CHD8: variants seen among roughly 807,000 people sequenced by gnomAD.
CHD8 encodes the protein ATP-dependent chromatin remodeler CHD8.
Under a neutral mutation model 279.2 loss-of-function variants are expected in CHD8, and 31 were observed. That is an observed-to-expected ratio of 0.11 (90% CI 0.08 to 0.15). The LOEUF is 0.15. Among genes scored for constraint, CHD8 ranks in the 10% least tolerant of loss-of-function variants. The pLI is 1.00. For missense variants in CHD8, 2,146 were observed against 3,230.5 expected, an observed-to-expected ratio of 0.66 and a Z score of 8.14; for synonymous variants, 1,081 against 1,139.6, an observed-to-expected ratio of 0.95 and a Z score of 1.04.
intron 5 of CHD8, among the ~76,000 whole-genome samples, chr14:21,418,633 G>A (rs1371700805): frequency 6.6e-6 from 1 of 152,170 alleles, no homozygotes; most frequent in African/African-American, 2.4e-5. Flanking sequence ...GGCTAACACG[G>A]TGAAACCCCG....
Position 21,393,497 on chromosome 14 carries a change from C to A in CHD8, c.6298G>T (p.Asp2100Tyr). The A allele has an allele frequency of 6.3e-7, 1 of 1,578,892 alleles. No individual in the cohort carries two copies. Among genetic ancestry groups the A allele is most frequent in the Non-Finnish European group, 8.6e-7 (1 of 1,161,650 alleles). ...SSSSSTDESE[D>Y]EKEEKLTDQS... ...TCACTTAGCTTCTCTTCCTTCTCAT[C>A]CTCACTCTCATCAGTGCTGGAGCTG... Residue 2100 changes from aspartate to tyrosine, a missense_variant, in exon 32 of 38, where the codon GAT (aspartate) becomes TAT (tyrosine). Physicochemically the swap from Asp to Tyr is radical, Grantham distance 160. Around this residue, in one of 26 missense-constraint regions of CHD8, gnomAD observed 513 missense variants for 637.6 expected, o/e 0.80. Coordinates refer to ENST00000646647, the MANE Select transcript of CHD8 (RefSeq NM_001170629.2).
At chr14:21,387,560 G>A (rs1447851429) in intron 37 of CHD8, among the ~76,000 whole-genome samples, 1 of 151,888 alleles carries the variant, frequency 6.6e-6, no homozygotes, top group East Asian at 1.9e-4. Flanking sequence ...CTTGAACCCA[G>A]GAGGCGGAGA....
At chr14:21,401,686 G>C in intron 20 of CHD8, 173 bp from the exon 21 acceptor site, 1 of 584,472 alleles carries the variant, frequency 1.7e-6, no homozygotes, top group South Asian at 2.3e-5. Flanking sequence ...CTGGGTTCAA[G>C]TGATTCTCCT....
intron 1 of CHD8, among the ~76,000 whole-genome samples, chr14:21,450,672 A>G (rs1428091055): frequency 6.6e-6 from 1 of 151,918 alleles, no homozygotes; most frequent in Non-Finnish European, 1.5e-5. Flanking sequence ...AAAAAAACAA[A>G]AACAGAAAAA....
At chr14:21,433,691 T>C (rs1167465191) in intron 1 of CHD8, among the ~76,000 whole-genome samples, 1 of 152,296 alleles carries the variant, frequency 6.6e-6, no homozygotes, top group East Asian at 1.9e-4. Context: ...TCTCCAACAA[T>C]GTTAAACAAG....
intron 1 of CHD8, among the ~76,000 whole-genome samples, chr14:21,452,459 C>T (rs1890279897): frequency 1.3e-5 from 2 of 151,668 alleles, no homozygotes; most frequent in South Asian, 2.1e-4. Flanking sequence ...GCCTGGCCAA[C>T]ATGGTGAAAC....
At chr14:21,410,826 G>A (rs1888458824) in intron 10 of CHD8, among the ~76,000 whole-genome samples, 1 of 152,124 alleles carries the variant, frequency 6.6e-6, no homozygotes, top group Non-Finnish European at 1.5e-5. Context: ...CACAGATCTC[G>A]AATCTCTGGA....
intron 1 of CHD8, among the ~76,000 whole-genome samples, chr14:21,441,741 T>A (rs1889974755): frequency 2.0e-5 from 3 of 151,646 alleles, no homozygotes; most frequent in Admixed American, 2.0e-4. Flanking sequence ...ACAAAAAAAT[T>A]AGCTGGGCGT....
At chr14:21,417,638 A>G (rs11625412) in intron 5 of CHD8, among the ~76,000 whole-genome samples, 23,255 of 151,664 alleles carry the variant, frequency 0.15, 2,292 homozygotes, top group South Asian at 0.23. Flanking sequence ...GCGCATCATG[A>G]GGTCAGGAGA....
At chr14:21,420,716 T>C (rs1395396419) in intron 5 of CHD8, among the ~76,000 whole-genome samples, 1 of 152,024 alleles carries the variant, frequency 6.6e-6, no homozygotes, top group Non-Finnish European at 1.5e-5. Flanking sequence ...TAGAAGGGTA[T>C]ACAAGAAATT....
At chr14:21,410,049 G>A (rs1888420574) in intron 10 of CHD8, 61 bp from the exon 11 acceptor site, 1 of 1,476,190 alleles carries the variant, frequency 6.8e-7, no homozygotes, top group Non-Finnish European at 9.1e-7. Context: ...TCCAGTTAAA[G>A]AATAAAAATT....
rs946344293 is a variant in CHD8 at position 21,406,754 on chromosome 14, G to A, written c.2907+102C>T. 33 of 1,053,430 alleles carry A rather than the reference G, an allele frequency of 3.1e-5. No homozygotes were observed. In the African/African-American group the frequency reaches 4.6e-4, roughly 15 times the overall value. 65.3% of individuals were successfully genotyped at this position (1,053,430 alleles called of 1,614,324 possible). On this transcript the variant is annotated intron_variant, in intron 14 of 37. Transcript: ENST00000646647. The stretch of plus-strand genomic sequence containing the variant: ...GGTCATCCCCACTGTTCAATACCAC[G>A]ATTCAGACTTTTCTTCTCTGCTAAA...
intron 1 of CHD8, among the ~76,000 whole-genome samples, chr14:21,449,908 G>C (rs991626046): frequency 1.3e-5 from 2 of 152,178 alleles, no homozygotes; most frequent in Non-Finnish European, 2.9e-5. Flanking sequence ...ATTTAAAAAA[G>C]CAGTCATATT....
intron 1 of CHD8, among the ~76,000 whole-genome samples, 182 bp from the exon 2 acceptor site, chr14:21,432,040 TAA>T (rs1889586884): frequency 6.6e-6 from 1 of 152,120 alleles, no homozygotes; most frequent in South Asian, 2.1e-4. Context: ...AAACTAAAAC[TAA>T]AAGAGAAAAA....
At chr14:21,437,353 G>T (rs563194284) in intron 1 of CHD8, 2 of 864,648 alleles carry the variant, frequency 2.3e-6, no homozygotes, top group South Asian at 2.3e-5. Flanking sequence ...GCAAAACAGC[G>T]CAAAGGGTGG....
Position 21,392,787 on chromosome 14 carries a change from A to G in CHD8, c.6491T>C (p.Ile2164Thr). 3 of 1,613,958 alleles carry G rather than the reference A, an allele frequency of 1.9e-6. No individual in the cohort carries two copies. Among genetic ancestry groups the G allele is most frequent in the African/African-American group, 1.3e-5 (1 of 75,042 alleles). Residue 2164 changes from isoleucine to threonine, a missense_variant, in exon 34 of 38, where the codon ATT becomes ACT. Around this residue, in one of 26 missense-constraint regions of CHD8, gnomAD observed 513 missense variants for 637.6 expected, o/e 0.80. Transcript: ENST00000646647. ...GAGTACAGCCTGGCAGACGAGGTCA[A>G]TACGGTTTATCAGGACACGATCCTG... ...WPKDRVLINR[I>T]DLVCQAVLSG...
At chr14:21,454,258 C>T (rs934127156) in intron 1 of CHD8, among the ~76,000 whole-genome samples, 1 of 151,800 alleles carries the variant, frequency 6.6e-6, no homozygotes, top group Non-Finnish European at 1.5e-5. Flanking sequence ...CAGGACAGAT[C>T]AAACATGGAG....
Position 21,405,470 on chromosome 14 carries a change from G to A in CHD8, c.3052-6C>T. On this transcript the variant is annotated splice_region_variant and splice_polypyrimidine_tract_variant and intron_variant, in intron 15 of 37. Coordinates refer to ENST00000646647, the MANE Select transcript of CHD8 (RefSeq NM_001170629.2). This position sits in a 1 kb window ranked among gnomAD's most constrained non-coding sequence, Gnocchi z 4.2. ...ATGGCCTGTAGCTTTTGAACCTGTG[G>A]TCCATTACAGAGAGAAAAATAAATC... is the stretch of plus-strand genomic sequence containing the variant. 6.3e-7 allele frequency: 1 copy of A among 1,599,916 alleles called. No individual in the cohort carries two copies. Among genetic ancestry groups the A allele is most frequent in the Non-Finnish European group, 8.5e-7 (1 of 1,172,682 alleles).
At chr14:21,414,572 G>A in intron 8 of CHD8, 154 bp from the exon 9 acceptor site, 1 of 605,700 alleles carries the variant, frequency 1.7e-6, no homozygotes, top group South Asian at 2.1e-5. Flanking sequence ...ACTCTAATTT[G>A]TATACAAACC....
Sources: allele counts gnomAD v4.1 joint callset (sites outside exome capture counted in the v4.1 genomes callset), GRCh38; gene constraint gnomAD v4.1.1; regional missense constraint gnomAD v4.1.1; non-coding constraint Gnocchi (gnomAD v3.1); transcripts MANE v1.5; gene names NCBI Gene and HGNC (gene_info 2026-07-23, HGNC 2026-07-21).